The following EXOC5 variants were observed in gnomAD, a reference collection of about 807,000 sequenced individuals.
The protein encoded by EXOC5 is SEC10-like 1.
A neutral mutation model predicts 90.8 loss-of-function variants in EXOC5; 17 were observed. The ratio of observed to expected loss-of-function variants is 0.19; its 90% CI spans 0.13 to 0.28. The LOEUF (loss-of-function observed/expected upper bound fraction) is 0.28, where lower values mean the gene tolerates loss of function less well. EXOC5 is among the 10% of genes least tolerant of loss of function. The probability of loss-of-function intolerance (pLI) is 1.00; values close to 1 mark genes in which losing one functional copy is unlikely to be tolerated. For missense variants in EXOC5, 569 were observed against 830.6 expected (o/e 0.69, Z 3.87); for synonymous variants, 260 against 270.0 (o/e 0.96, Z 0.36).
At chr14:57,209,846 C>T (rs1882772716) in intron 16 of EXOC5, 64 bp from the exon 17 acceptor site, 2 of 1,304,472 alleles carry the variant, frequency 1.5e-6, no homozygotes, top group Non-Finnish European at 2.1e-6. Context: ...AGAGGAAATA[C>T]AGTTTCTCAT....
intron 7 of EXOC5, 42 bp from the exon 8 acceptor site, chr14:57,234,074 T>A: frequency 7.3e-7 from 1 of 1,376,030 alleles, no homozygotes; most frequent in Non-Finnish European, 1.0e-6. Context: ...GATTCAATTA[T>A]AATAATTATT....
In EXOC5 at chr14:57,225,818, A is replaced by T. The variant is rs551681694; in HGVS notation, c.1297-3402T>A. On this transcript the variant is annotated intron_variant, in intron 12 of 17. Transcript: ENST00000621441. ...TTTAGGGAGACATGAGACATCAATC[A>T]ATAGGTGTTATGTACAGTGGTTCTG... Among the ~76,000 whole-genome samples, 52 of 152,312 alleles carry T rather than the reference A, an allele frequency of 3.4e-4. 1 individual carries two copies. In the South Asian group the frequency reaches 0.011, roughly 32 times the overall value.
chr14:57,256,111 C>T (rs1038306969), intron 1 of EXOC5, among the ~76,000 whole-genome samples: 2 of 152,114 alleles, frequency 1.3e-5, no homozygotes, highest in African/African-American at 2.4e-5. Context: ...ACTACAAGTA[C>T]TGCCTGGTCA....
At chr14:57,240,944 C>CAT (rs1364323930) in intron 4 of EXOC5, among the ~76,000 whole-genome samples, 1 of 152,096 alleles carries the variant, frequency 6.6e-6, no homozygotes, top group African/African-American at 2.4e-5. Flanking sequence ...TCTCCACCTC[C>CAT]TGGGTTCAAG....
chr14:57,238,613 C>T (rs1883755721), intron 5 of EXOC5, among the ~76,000 whole-genome samples: 1 of 151,458 alleles, frequency 6.6e-6, no homozygotes, highest in Admixed American at 6.6e-5. Context: ...AAAAGTATTA[C>T]AGTAAGTTAA....
At chr14:57,237,311 A>G in intron 6 of EXOC5, 27 bp downstream of exon 6, 1 of 1,243,986 alleles carries the variant, frequency 8.0e-7, no homozygotes, top group South Asian at 1.4e-5. Context: ...CTTATTAAAA[A>G]AAAGGTAAAA....
At chr14:57,256,560 T>C (rs1012985863) in intron 1 of EXOC5, among the ~76,000 whole-genome samples, 1 of 152,130 alleles carries the variant, frequency 6.6e-6, no homozygotes, top group African/African-American at 2.4e-5. Flanking sequence ...CCCAAATGTA[T>C]ATGAAGAAGT....
At chr14:57,229,939 T>C (rs1883430596) in intron 11 of EXOC5, 58 bp from the exon 12 acceptor site, 1 of 1,104,682 alleles carries the variant, frequency 9.1e-7, no homozygotes, top group South Asian at 2.7e-5. Context: ...ATTTCAACTT[T>C]GAGTACTTCC....
chr14:57,268,391 G>A (rs944776736), intron 1 of EXOC5: 5 of 1,226,246 alleles, frequency 4.1e-6, no homozygotes, highest in African/African-American at 1.6e-5. Context: ...GGGACACCCG[G>A]CTTCCCCTCT....
In EXOC5 at chr14:57,233,743, C is replaced by G; in HGVS notation, c.855G>C (p.Gln285His). The change falls in exon 9 of 18, where the codon CAG becomes CAC. Residue 285 changes from glutamine (Q) to histidine (H), a missense_variant and splice_region_variant. This residue lies in a region of EXOC5 where 114 missense variants were observed against 111.2 expected (regional missense o/e 1.03). Transcript: ENST00000621441. ...TTAATTTGTTACTATTTAAAATTAC[C>G]TGTAGTTTGATTTCAAATACATTTT... Reference protein sequence around the residue: ...LIQNVFEIKLQSFVKEQLEEC... With the variant: ...LIQNVFEIKLHSFVKEQLEEC... 6.5e-7 allele frequency: 1 copy of G among 1,533,448 alleles called. No individual in the cohort carries two copies. Among genetic ancestry groups the G allele is most frequent in the Non-Finnish European group, 9.0e-7 (1 of 1,112,328 alleles). The allele number at this position is 1,533,448 out of a possible 1,614,324, so 95.0% of individuals were successfully genotyped here. A position where few individuals can be genotyped will look rare whatever the true frequency, so the allele number is the denominator to read the frequency against.
chr14:57,210,067 GA>G lies in EXOC5; in HGVS notation c.1614-7del, dbSNP rs1194272804. ...CAATCATACAATTTAATGTCCTAGA[GA>G]ATTGAGAATACAACATTCTTTAACC... On this transcript the variant is annotated splice_polypyrimidine_tract_variant and splice_region_variant and intron_variant, in intron 15 of 17. Transcript: ENST00000621441. 4.4e-6 allele frequency: 6 copies of G among 1,370,672 alleles called. No homozygotes were observed. The highest frequency in any genetic ancestry group is 1.7e-5 in the Admixed American group (1 of 57,460). 84.9% of individuals were successfully genotyped at this position (1,370,672 alleles called of 1,614,324 possible). A position where few individuals can be genotyped will look rare whatever the true frequency, so the allele number is the denominator to read the frequency against.
Position 57,201,932 on chromosome 14 carries a change from T to C in EXOC5, c.*6677A>G, listed in dbSNP as rs554895648. 8 of 152,104 alleles carry C rather than the reference T, an allele frequency of 5.3e-5. No homozygotes were observed. Among genetic ancestry groups the C allele is most frequent in the African/African-American group, 7.2e-5 (3 of 41,506 alleles). The allele number at this position is 152,104 out of a possible 1,614,324, so 9.4% of individuals were successfully genotyped here. ...CTATATATGTCTGTATCTATTAATA[T>C]ATATCTACCTCCAAAATATTTACAA... On this transcript the variant is annotated 3_prime_UTR_variant, in exon 18 of 18. Transcript: ENST00000621441.
In EXOC5 at chr14:57,244,300, G is replaced by C; in HGVS notation, c.330C>G (p.Val110=). The C allele has an allele frequency of 6.2e-7, 1 of 1,613,902 alleles. No individual in the cohort carries two copies. Among genetic ancestry groups the C allele is most frequent in the East Asian group, 2.2e-5 (1 of 44,866 alleles). The change falls in exon 4 of 18, where the codon GTC becomes GTG. Residue 110 remains valine, a synonymous_variant. Transcript: ENST00000621441. The part of the protein sequence containing the change: ...DEHISYVATK[V]CHLGDQLEGV... The stretch of plus-strand genomic sequence containing the variant: ...CCTCTAACTGGTCTCCAAGGTGACA[G>C]ACTTTAGTTGCTACATAGCTAATGT...
rs1171321636 is a variant in EXOC5 at position 57,239,700 on chromosome 14, T to A, written c.466-41A>T. ...TAAAAGCAATAATTTAAAAAACTTT[T>A]AGGCATATCAAAAAATAATTATATA... On this transcript the variant is annotated intron_variant, in intron 4 of 17. Transcript: ENST00000621441. 10 of 1,214,696 alleles carry A rather than the reference T, an allele frequency of 8.2e-6. No individual in the cohort carries two copies. The African/African-American group carries it at 9.2e-5, about 11-fold the overall frequency. The allele number at this position is 1,214,696 out of a possible 1,614,324, so 75.2% of individuals were successfully genotyped here. A position where few individuals can be genotyped will look rare whatever the true frequency, so the allele number is the denominator to read the frequency against.
In EXOC5 at chr14:57,234,050, ATTG is replaced by A. The variant is rs770469428; in HGVS notation, c.670-21_670-19del. On this transcript the variant is annotated intron_variant, in intron 7 of 17. Coordinates refer to ENST00000621441, the MANE Select transcript of EXOC5 (RefSeq NM_006544.4). The stretch of plus-strand genomic sequence containing the variant: ...GAATAACCCTACAAGGAAGAAACAC[ATTG>A]TTATTATTCTGATTCAATTATAATA... 3.9e-6 allele frequency: 6 copies of A among 1,524,594 alleles called. No homozygotes were observed. In the African/African-American group the frequency reaches 6.8e-5, roughly 17 times the overall value. The allele number at this position is 1,524,594 out of a possible 1,614,324, so 94.4% of individuals were successfully genotyped here.
Position 57,204,972 on chromosome 14 carries a change from A to T in EXOC5, c.*3637T>A, listed in dbSNP as rs1882606557. Reference sequence around the variant, plus strand: ...TAAGGAGAATAGCATATAGAACCTAAAAGTGAGTGAGAAAAGATTTAGGTT... The same window carrying T: ...TAAGGAGAATAGCATATAGAACCTATAAGTGAGTGAGAAAAGATTTAGGTT... On this transcript the variant is annotated 3_prime_UTR_variant, in exon 18 of 18. Coordinates refer to ENST00000621441, the MANE Select transcript of EXOC5 (RefSeq NM_006544.4). The T allele has an allele frequency of 6.6e-6, 1 of 151,972 alleles. No homozygotes were observed. Among genetic ancestry groups the T allele is most frequent in the Non-Finnish European group, 1.5e-5 (1 of 67,852 alleles). 9.4% of individuals were successfully genotyped at this position (151,972 alleles called of 1,614,324 possible).
At chr14:57,241,467 C>T (rs1883855512) in intron 4 of EXOC5, among the ~76,000 whole-genome samples, 1 of 152,204 alleles carries the variant, frequency 6.6e-6, no homozygotes, top group African/African-American at 2.4e-5. Flanking sequence ...ATACTTGGCA[C>T]ACAGCCTGCT....
At chr14:57,248,711 T>G (rs1283698824) in intron 1 of EXOC5, among the ~76,000 whole-genome samples, 1 of 152,120 alleles carries the variant, frequency 6.6e-6, no homozygotes, top group Admixed American at 6.5e-5. Context: ...CTTAAACTAG[T>G]TGGTGATTAC....
rs1594689808 is a variant in EXOC5 at position 57,265,715 on chromosome 14, A to G, written c.27+2907T>C. Among the ~76,000 whole-genome samples, 8 of 152,302 alleles carry G rather than the reference A, an allele frequency of 5.3e-5. 1 individual carries two copies. In the East Asian group the frequency reaches 1.2e-3, roughly 22 times the overall value. On this transcript the variant is annotated intron_variant, in intron 1 of 17. Transcript: ENST00000621441. ...ACTCCAGCCTATGCGATAGAGCAAG[A>G]CCCTGTCTCAAAAACAAAGAAAAGG...
Sources: allele counts gnomAD v4.1 joint callset (sites outside exome capture counted in the v4.1 genomes callset), GRCh38; gene constraint gnomAD v4.1.1; regional missense constraint gnomAD v4.1.1; transcripts MANE v1.5; gene names NCBI Gene and HGNC (gene_info 2026-07-23, HGNC 2026-07-21).